Variants in TNR observed in about 807,000 individuals in gnomAD.
TNR encodes tenascin R, also known as tenascin-R.
In TNR, 45 loss-of-function variants were observed where a neutral mutation model predicts 150.4. The observed-to-expected ratio is 0.30, with a 90% CI of 0.24 to 0.38. TNR has a LOEUF of 0.38. Among genes scored for constraint, TNR ranks in the 10% least tolerant of loss-of-function variants. The pLI, the probability that TNR is intolerant of heterozygous loss-of-function variation, is 1.00. For synonymous variants in TNR, 687 were observed against 678.4 expected (o/e 1.01, Z -0.20); for missense variants, 1,544 against 1,759.1 (o/e 0.88, Z 2.19).
chr1:175,582,885 G>T (rs1275325201), intron 1 of TNR, among the ~76,000 whole-genome samples: 1 of 151,962 alleles, frequency 6.6e-6, no homozygotes, highest in Non-Finnish European at 1.5e-5. Flanking sequence ...TTATAAAAGG[G>T]TTAGTTCAGC....
chr1:175,537,857 A>C (rs1050504804), intron 1 of TNR, among the ~76,000 whole-genome samples: 2 of 152,186 alleles, frequency 1.3e-5, no homozygotes, highest in African/African-American at 4.8e-5. Flanking sequence ...GGGACTGTGA[A>C]CTGGTTGGGT....
chr1:175,679,026 G>A (rs1665950535), intron 1 of TNR, among the ~76,000 whole-genome samples: 1 of 152,246 alleles, frequency 6.6e-6, no homozygotes. Context: ...GGTGGGCACA[G>A]TTCTGCCAGA....
chr1:175,562,233 C>T (rs1336251520), intron 1 of TNR, among the ~76,000 whole-genome samples: 4 of 152,040 alleles, frequency 2.6e-5, no homozygotes, highest in Non-Finnish European at 5.9e-5. Context: ...CATTTTTTCT[C>T]CAGCACTGAA....
At chr1:175,560,687 T>A (rs1571608822) in intron 1 of TNR, among the ~76,000 whole-genome samples, 2 of 152,246 alleles carry the variant, frequency 1.3e-5, no homozygotes, top group Admixed American at 6.5e-5. Context: ...CAGCAGGCTG[T>A]ACAATCTGAA....
chr1:175,581,241 T>C (rs1224898090), intron 1 of TNR, among the ~76,000 whole-genome samples: 3 of 152,206 alleles, frequency 2.0e-5, no homozygotes, highest in Non-Finnish European at 4.4e-5. Flanking sequence ...CCAGTGTCTT[T>C]TCCTCCAGAG....
At chr1:175,594,156 A>G (rs1571653064) in intron 1 of TNR, among the ~76,000 whole-genome samples, 2 of 152,242 alleles carry the variant, frequency 1.3e-5, no homozygotes, top group African/African-American at 4.8e-5. Flanking sequence ...GGGTGTACCA[A>G]TCAGGTACTA....
rs1429157677 is a variant in TNR at position 175,365,913 on chromosome 1, C to T, written c.2279G>A (p.Arg760Gln). 1.4e-5 allele frequency: 23 copies of T among 1,613,982 alleles called. No homozygotes were observed. Among genetic ancestry groups the T allele is most frequent in the South Asian group, 4.4e-5 (4 of 91,072 alleles). The change falls in exon 11 of 23, where the codon CGG becomes CAG. Residue 760 changes from arginine to glutamine, a missense_variant. Coordinates refer to ENST00000367674, the MANE Select transcript of TNR (RefSeq NM_003285.3). Reference sequence around the variant, plus strand: ...CACAGTGGACTCCAAGCTCTGCTGCCGACCCCTCTCAGCAGTGACGGAAAT... The same window carrying T: ...CACAGTGGACTCCAAGCTCTGCTGCTGACCCCTCTCAGCAGTGACGGAAAT... ...YIISVTAERGRQQSLESTVDA... is the reference protein window; with the variant it reads ...YIISVTAERGQQQSLESTVDA...
At chr1:175,714,835 C>T (rs1326803665) in intron 1 of TNR, among the ~76,000 whole-genome samples, 9 of 152,158 alleles carry the variant, frequency 5.9e-5, no homozygotes, top group South Asian at 2.1e-4. Context: ...GCTCAGCCTG[C>T]GGGGAGCCTT....
chr1:175,707,571 T>C (rs1390978721), intron 1 of TNR, among the ~76,000 whole-genome samples: 1 of 152,176 alleles, frequency 6.6e-6, no homozygotes, highest in African/African-American at 2.4e-5. Context: ...GGGTACAGAA[T>C]TGGAACTCAT....
At chr1:175,471,429 C>A (rs1657283582) in intron 2 of TNR, among the ~76,000 whole-genome samples, 1 of 152,172 alleles carries the variant, frequency 6.6e-6, no homozygotes, top group Non-Finnish European at 1.5e-5. Flanking sequence ...TATTACACAC[C>A]TAGGTATATG....
chr1:175,641,647 A>G (rs1664664158), intron 1 of TNR, among the ~76,000 whole-genome samples: 1 of 152,208 alleles, frequency 6.6e-6, no homozygotes. Context: ...ACAAAAGAAA[A>G]TAAACTTCCC....
chr1:175,362,799 T>C lies in TNR; in HGVS notation c.2718A>G (p.Leu906=). The part of the protein sequence containing the change: ...VSYRPTQVGR[L]DSSVVPNTVT... The stretch of plus-strand genomic sequence containing the variant: ...CAGTGTTGGGCACCACTGAGCTGTC[T>C]AGTCGTCCCACTGGAGAAGAGAAGA... Residue 906 remains leucine, a synonymous_variant, in exon 14 of 23, where the codon CTA becomes CTG. Coordinates refer to ENST00000367674, the MANE Select transcript of TNR (RefSeq NM_003285.3). 6.2e-7 allele frequency: 1 copy of C among 1,614,132 alleles called. No homozygotes were observed. Among genetic ancestry groups the C allele is most frequent in the Non-Finnish European group, 8.5e-7 (1 of 1,179,984 alleles).
intron 1 of TNR, among the ~76,000 whole-genome samples, chr1:175,679,857 T>C (rs1665977256): frequency 6.6e-6 from 1 of 152,230 alleles, no homozygotes; most frequent in South Asian, 2.1e-4. Flanking sequence ...GACTTCTGTT[T>C]CATCTGCCTG....
chr1:175,340,328 A>G (rs1381845383), intron 18 of TNR, among the ~76,000 whole-genome samples: 2 of 152,126 alleles, frequency 1.3e-5, no homozygotes, highest in African/African-American at 4.8e-5. Context: ...TTGTTTATAG[A>G]TTCCATTTGC....
intron 1 of TNR, among the ~76,000 whole-genome samples, chr1:175,574,532 G>A (rs768222149): frequency 5.3e-5 from 8 of 152,118 alleles, no homozygotes; most frequent in Admixed American, 3.3e-4. Flanking sequence ...GATATGCAGC[G>A]ATAAGATATG....
At position 175,320,547 on chromosome 1, in the gene TNR, T is replaced by G. The variant is rs188283561; in HGVS notation, c.*2810A>C. 2.0e-5 allele frequency: 3 copies of G among 152,332 alleles called. No individual in the cohort carries two copies. The highest frequency in any genetic ancestry group is 2.0e-4 in the Admixed American group (3 of 15,304). 9.4% of individuals were successfully genotyped at this position (152,332 alleles called of 1,614,324 possible). On this transcript the variant is annotated 3_prime_UTR_variant, in exon 23 of 23. Transcript: ENST00000367674. ...TTTGTTTCCACTGATGTTTCTTGAC[T>G]TTCACCTGAATTGACAACACATAAT... is the stretch of plus-strand genomic sequence containing the variant.
At chr1:175,519,730 C>T (rs1659560065) in intron 2 of TNR, among the ~76,000 whole-genome samples, 1 of 152,218 alleles carries the variant, frequency 6.6e-6, no homozygotes, top group Admixed American at 6.5e-5. Context: ...TCAGCTCCCA[C>T]AAGGAATAGT....
At chr1:175,668,051 G>T (rs987429903) in intron 1 of TNR, among the ~76,000 whole-genome samples, 1 of 152,140 alleles carries the variant, frequency 6.6e-6, no homozygotes, top group African/African-American at 2.4e-5. Context: ...TTTTTAACAA[G>T]GTCCCCAGGT....
intron 1 of TNR, among the ~76,000 whole-genome samples, chr1:175,718,813 C>T (rs1667225280): frequency 6.6e-6 from 1 of 152,170 alleles, no homozygotes; most frequent in Non-Finnish European, 1.5e-5. Context: ...ATGGCCAAGG[C>T]AAGCCTAGAA....
Sources: allele counts gnomAD v4.1 joint callset (sites outside exome capture counted in the v4.1 genomes callset), GRCh38; gene constraint gnomAD v4.1.1; transcripts MANE v1.5; gene names NCBI Gene and HGNC (gene_info 2026-07-23, HGNC 2026-07-21).